Variants in C22orf23 observed in about 807,000 individuals in gnomAD.
The protein encoded by C22orf23 is chromosome 22 open reading frame 23, also known as UPF0193 protein EVG1.
In C22orf23, 30 loss-of-function variants were observed where a neutral mutation model predicts 29.7. That is an observed-to-expected ratio of 1.01 (90% confidence interval 0.76 to 1.37). The LOEUF is 1.37. Among genes scored for constraint, C22orf23 ranks in the 40% most tolerant of loss-of-function variants. The probability of loss-of-function intolerance (pLI) is 0.00; values close to 1 mark genes in which losing one functional copy is unlikely to be tolerated. For missense variants in C22orf23, 237 were observed against 273.1 expected (o/e 0.87, Z 0.93); for synonymous variants, 90 against 96.1 (o/e 0.94, Z 0.37).
chr22:37,950,600 C>T (rs1186191881), intron 3 of C22orf23, among the ~76,000 whole-genome samples: 1 of 151,964 alleles, frequency 6.6e-6, no homozygotes, highest in Non-Finnish European at 1.5e-5. Context: ...ACCACCACAC[C>T]TGGCTAATTT....
At chr22:37,951,174 T>G in intron 3 of C22orf23, 1 of 249,206 alleles carries the variant, frequency 4.0e-6, no homozygotes, top group South Asian at 6.6e-5. Context: ...ATTGCGCCAC[T>G]GCACTCCAGC....
intron 3 of C22orf23, 127 bp downstream of exon 3, chr22:37,951,333 C>T: frequency 4.8e-6 from 4 of 830,718 alleles, no homozygotes; most frequent in Non-Finnish European, 5.9e-6. Context: ...GAATTACAGG[C>T]ATGAGCCACG....
In C22orf23 at chr22:37,945,096, C is replaced by A. The variant is rs544488312; in HGVS notation, c.427G>T (p.Ala143Ser). Reference sequence around the variant, plus strand: ...GGAGCCTTCTGTCGTGCAGGAGGGGCCTTTCTTTTCCGTTCCTCCATGTCC... The same window carrying A: ...GGAGCCTTCTGTCGTGCAGGAGGGGACTTTCTTTTCCGTTCCTCCATGTCC... ...GKDMEERKRK[A>S]PPARQKAPAP... The change falls in exon 5 of 7, where the codon GCC becomes TCC. Residue 143 changes from alanine to serine, a missense_variant. Ala to Ser is a moderately conservative substitution (Grantham distance 99). Transcript: ENST00000403305. 8 of 1,613,700 alleles carry A rather than the reference C, an allele frequency of 5.0e-6. No individual in the cohort carries two copies. In the East Asian group the frequency reaches 1.6e-4, roughly 31 times the overall value.
At chr22:37,947,811 T>C (rs1299132934) in intron 3 of C22orf23, among the ~76,000 whole-genome samples, 1 of 150,228 alleles carries the variant, frequency 6.7e-6, no homozygotes, top group Non-Finnish European at 1.5e-5. Flanking sequence ...GGCCACTTTT[T>C]AAAAATAAAA....
chr22:37,951,152 C>G (rs1471635772), intron 3 of C22orf23: 1 of 205,234 alleles, frequency 4.9e-6, no homozygotes, highest in Admixed American at 5.7e-5. Context: ...GCAGAAGTTG[C>G]AGTGAGCCGA....
intron 2 of C22orf23, chr22:37,952,512 AG>A (rs1931110179): frequency 6.6e-6 from 1 of 152,540 alleles, no homozygotes; most frequent in South Asian, 2.0e-4. Context: ...GGCAAGGTGT[AG>A]CACCTTGAAC....
At chr22:37,946,277 C>T (rs566632757) in intron 4 of C22orf23, among the ~76,000 whole-genome samples, 1 of 147,822 alleles carries the variant, frequency 6.8e-6, no homozygotes, top group East Asian at 2.0e-4. Context: ...AAAAAATTAG[C>T]TGGGCAGGGC....
intron 5 of C22orf23, 103 bp downstream of exon 5, chr22:37,944,939 T>C: frequency 9.0e-7 from 1 of 1,113,712 alleles, no homozygotes. Context: ...TTCTCACTTG[T>C]TGGCCCTTGG....
intron 3 of C22orf23, among the ~76,000 whole-genome samples, chr22:37,948,681 TCTTC>T (rs1930844312): frequency 6.6e-6 from 1 of 152,162 alleles, no homozygotes; most frequent in African/African-American, 2.4e-5. Flanking sequence ...AGTCTTCTCT[TCTTC>T]CTTCCAGTCC....
intron 3 of C22orf23, among the ~76,000 whole-genome samples, chr22:37,948,425 G>C (rs1930827694): frequency 6.6e-6 from 1 of 151,848 alleles, no homozygotes. Context: ...ATTCCAGCCT[G>C]GGTGACTGAG....
chr22:37,944,893 T>A, intron 5 of C22orf23, 149 bp downstream of exon 5: 1 of 870,710 alleles, frequency 1.1e-6, no homozygotes, highest in East Asian at 2.8e-5. Flanking sequence ...AGAGCAAGAC[T>A]GTCTCAAAAT....
Position 37,944,445 on chromosome 22 carries a change from C to G in C22orf23, c.554G>C (p.Arg185Pro). Residue 185 changes from arginine to proline, a missense_variant, in exon 6 of 7, where the codon CGA becomes CCA. Physicochemically the swap from Arg to Pro is moderately radical, Grantham distance 103. Coordinates refer to ENST00000403305, the MANE Select transcript of C22orf23 (RefSeq NM_032561.5). ...MEALGQGKQY[R>P]GIILAEISQK... The stretch of plus-strand genomic sequence containing the variant: ...GGAGATTTCAGCAAGGATGATTCCT[C>G]GGTACTGTTTGCCCTGTCCCAGGGC... The G allele has an allele frequency of 3.1e-6, 5 of 1,614,198 alleles. No homozygotes were observed. Among genetic ancestry groups the G allele is most frequent in the Middle Eastern group, 1.7e-4 (1 of 6,032 alleles).
intron 3 of C22orf23, among the ~76,000 whole-genome samples, chr22:37,949,454 T>TTG (rs1555931413): frequency 5.1e-4 from 67 of 130,576 alleles, no homozygotes; most frequent in African/African-American, 2.3e-3. Context: ...GGCTAATTTT[T>TTG]TTTTTTTTTT....
chr22:37,946,065 TGG>T (rs2145693222), intron 4 of C22orf23, among the ~76,000 whole-genome samples: 1 of 152,004 alleles, frequency 6.6e-6, no homozygotes, highest in South Asian at 2.1e-4. Context: ...AAGACCATCC[TGG>T]CTAACACGGT....
In C22orf23 at chr22:37,944,048, G is replaced by C. The variant is rs1930544133; in HGVS notation, c.*127C>G. 1 of 863,168 alleles carries C rather than the reference G, an allele frequency of 1.2e-6. No individual in the cohort carries two copies. The highest frequency in any genetic ancestry group is 2.0e-6 in the Non-Finnish European group (1 of 509,698). The allele number at this position is 863,168 out of a possible 1,614,324, so 53.5% of individuals were successfully genotyped here. A position where few individuals can be genotyped will look rare whatever the true frequency, so the allele number is the denominator to read the frequency against. On this transcript the variant is annotated 3_prime_UTR_variant, in exon 7 of 7. Coordinates refer to ENST00000403305, the MANE Select transcript of C22orf23 (RefSeq NM_032561.5). ...GTATGCCTTGGGGTACTGCAGGGCAGTGCTATGCCACCACCTGACGTGGCA... is the reference window on the plus strand; with the variant it reads ...GTATGCCTTGGGGTACTGCAGGGCACTGCTATGCCACCACCTGACGTGGCA...
chr22:37,945,194 G>A, intron 4 of C22orf23, 21 bp from the exon 5 acceptor site: 1 of 1,602,402 alleles, frequency 6.2e-7, no homozygotes, highest in Middle Eastern at 1.7e-4. Context: ...AAAAAGAAAT[G>A]GCCTAGTTAG....
chr22:37,953,120 C>G lies in C22orf23; in HGVS notation c.30G>C (p.Val10=), dbSNP rs140102535. 6,569 of 1,613,908 alleles carry G rather than the reference C, an allele frequency of 4.1e-3. 18 individuals carry two copies. The highest frequency in any genetic ancestry group is 5.1e-3 in the Non-Finnish European group (6,068 of 1,179,894). MASQKQMEV[V]TKGTGFRRRP... is the part of the protein sequence containing the mutation. The stretch of plus-strand genomic sequence containing the variant: ...GGCGCCGGAACCCAGTTCCTTTGGT[C>G]ACTACCTCCATCTGCTTCTGTGAAG... The change falls in exon 2 of 7, where the codon GTG becomes GTC. Residue 10 remains valine, a synonymous_variant. Transcript: ENST00000403305.
chr22:37,945,922 G>A (rs886895546), intron 4 of C22orf23, among the ~76,000 whole-genome samples: 1 of 150,726 alleles, frequency 6.6e-6, no homozygotes, highest in Non-Finnish European at 1.5e-5. Flanking sequence ...GACCAGCCCA[G>A]CCAACATGGT....
At position 37,943,710 on chromosome 22, in the gene C22orf23, A is replaced by C. The variant is rs919169252; in HGVS notation, c.*465T>G. ...GAACAAATAAGCTTATCCCTCTGAA[A>C]ACAAAATGGTGCTTGTAATGACCCA... On this transcript the variant is annotated 3_prime_UTR_variant, in exon 7 of 7. Transcript: ENST00000403305. 1 of 176,236 alleles carries C rather than the reference A, an allele frequency of 5.7e-6. No individual in the cohort carries two copies. The highest frequency in any genetic ancestry group is 5.5e-5 in the Admixed American group (1 of 18,234). The allele number at this position is 176,236 out of a possible 1,614,324, so 10.9% of individuals were successfully genotyped here.
Sources: gnomAD v4.1 joint callset for allele counts (sites outside exome capture counted in the v4.1 genomes callset) on GRCh38, gnomAD v4.1.1 for gene constraint, MANE v1.5 for transcripts, NCBI Gene and HGNC (gene_info 2026-07-23, HGNC 2026-07-21) for gene names.